The following NTNG1 variants were observed in gnomAD, a reference collection of about 807,000 sequenced individuals.
NTNG1 encodes netrin G1.
In NTNG1, 16 loss-of-function variants were observed where a neutral mutation model predicts 54.0. The ratio of observed to expected loss-of-function variants is 0.30; its 90% confidence interval spans 0.20 to 0.45. NTNG1 has a LOEUF of 0.45. Among genes scored for constraint, NTNG1 ranks in the 20% least tolerant of loss-of-function variants. The pLI is 1.00. For synonymous variants in NTNG1, 255 were observed against 263.1 expected (o/e 0.97, Z 0.30); for missense variants, 530 against 678.7 (o/e 0.78, Z 2.43).
At position 107,480,942 on chromosome 1, in the gene NTNG1, C is replaced by G; in HGVS notation, c.*102C>G. 1.2e-6 allele frequency: 1 copy of G among 837,450 alleles called. No homozygotes were observed. The highest frequency in any genetic ancestry group is 1.6e-5 in the South Asian group (1 of 61,330). 51.9% of individuals were successfully genotyped at this position (837,450 alleles called of 1,614,324 possible). On this transcript the variant is annotated 3_prime_UTR_variant, in exon 8 of 8. Transcript: ENST00000370068. ...GGAAACACACACATACAGACACCCC[C>G]ACTCAGACAGTGTACAAACTAAGAA...
chr1:107,457,880 G>A lies in NTNG1; in HGVS notation c.1390+21081G>A, dbSNP rs539473431. Among the ~76,000 whole-genome samples, 102 of 152,096 alleles carry A rather than the reference G, an allele frequency of 6.7e-4. 1 individual carries two copies. The highest frequency in any genetic ancestry group is 2.4e-3 in the African/African-American group (98 of 41,508). On this transcript the variant is annotated intron_variant, in intron 7 of 7. Transcript: ENST00000370068. The stretch of plus-strand genomic sequence containing the variant: ...CTTTTTGTGTTATGAGTACTGTAAG[G>A]AAATTTTTCTGAAGACATTTTTAAT...
At chr1:107,420,554 C>G (rs1422688224) in intron 5 of NTNG1, among the ~76,000 whole-genome samples, 1 of 152,000 alleles carries the variant, frequency 6.6e-6, no homozygotes, top group African/African-American at 2.4e-5. Context: ...GAGAAGGCTA[C>G]AACTTTTAAA....
chr1:107,284,001 A>G (rs907146290), intron 2 of NTNG1, among the ~76,000 whole-genome samples: 1 of 152,156 alleles, frequency 6.6e-6, no homozygotes, highest in Non-Finnish European at 1.5e-5. Context: ...ATCTTACTTG[A>G]TAATCTCAGG....
chr1:107,360,835 T>C (rs1670216426), intron 3 of NTNG1, among the ~76,000 whole-genome samples: 1 of 152,152 alleles, frequency 6.6e-6, no homozygotes, highest in Non-Finnish European at 1.5e-5. Flanking sequence ...TAACATCTAG[T>C]CACCAGTCAC....
rs1450201721 is a variant in NTNG1 at position 107,481,398 on chromosome 1, A to T, written c.*558A>T. The T allele has an allele frequency of 6.5e-6, 1 of 153,396 alleles. No homozygotes were observed. The highest frequency in any genetic ancestry group is 2.4e-5 in the African/African-American group (1 of 41,452). 9.5% of individuals were successfully genotyped at this position (153,396 alleles called of 1,614,324 possible). A position where few individuals can be genotyped will look rare whatever the true frequency, so the allele number is the denominator to read the frequency against. On this transcript the variant is annotated 3_prime_UTR_variant, in exon 8 of 8. Transcript: ENST00000370068. Reference sequence around the variant, plus strand: ...AAGATTTCTTTGTCTGATGTTAGTGATGCACATGTGTAACAGCCCCCTCTA... The same window carrying T: ...AAGATTTCTTTGTCTGATGTTAGTGTTGCACATGTGTAACAGCCCCCTCTA...
intron 7 of NTNG1, among the ~76,000 whole-genome samples, chr1:107,438,793 T>TA (rs1421205965): frequency 6.6e-6 from 1 of 152,166 alleles, no homozygotes; most frequent in Non-Finnish European, 1.5e-5. Flanking sequence ...TGGAGTATTA[T>TA]AAAAAATATG....
intron 4 of NTNG1, among the ~76,000 whole-genome samples, chr1:107,398,370 A>G (rs1353975544): frequency 1.3e-5 from 2 of 152,150 alleles, no homozygotes; most frequent in Non-Finnish European, 2.9e-5. Context: ...TAAGTCAGGG[A>G]ATGACAATAT....
chr1:107,477,417 C>A (rs1164285007), intron 7 of NTNG1, among the ~76,000 whole-genome samples: 1 of 152,246 alleles, frequency 6.6e-6, no homozygotes, highest in African/African-American at 2.4e-5. Flanking sequence ...CCTACTTTCT[C>A]TGCTCCCTCT....
Position 107,254,824 on chromosome 1 carries a change from C to T in NTNG1, c.247-69458C>T, listed in dbSNP as rs56214035. Among the ~76,000 whole-genome samples, 1,055 of 152,214 alleles carry T rather than the reference C, an allele frequency of 6.9e-3. 5 individuals carry two copies. The highest frequency in any genetic ancestry group is 0.013 in the Non-Finnish European group (876 of 68,012). On this transcript the variant is annotated intron_variant, in intron 2 of 7. Transcript: ENST00000370068. ...TGCTTGCCCATGATTGTGTATTATACCTATCTGTGACTTTGAATGCTTATG... is the reference window on the plus strand; with the variant it reads ...TGCTTGCCCATGATTGTGTATTATATCTATCTGTGACTTTGAATGCTTATG...
chr1:107,165,628 A>G (rs1655736920), intron 2 of NTNG1, among the ~76,000 whole-genome samples: 1 of 152,182 alleles, frequency 6.6e-6, no homozygotes, highest in South Asian at 2.1e-4. Context: ...AATTAAGTAT[A>G]GTGCCTGATA....
chr1:107,479,516 G>C (rs1490271702), intron 7 of NTNG1, among the ~76,000 whole-genome samples: 1 of 152,166 alleles, frequency 6.6e-6, no homozygotes, highest in African/African-American at 2.4e-5. Flanking sequence ...TTTATAAAAA[G>C]CTACTTTTTC....
chr1:107,425,183 G>A (rs1674815206), intron 5 of NTNG1, among the ~76,000 whole-genome samples: 1 of 136,276 alleles, frequency 7.3e-6, no homozygotes, highest in African/African-American at 2.6e-5. Context: ...ATGAAAAGTT[G>A]AATTAAAAAA....
chr1:107,430,206 G>A (rs556249978), intron 5 of NTNG1, among the ~76,000 whole-genome samples: 38 of 152,194 alleles, frequency 2.5e-4, no homozygotes, highest in Non-Finnish European at 8.8e-5. Flanking sequence ...ATAAAGAATT[G>A]TTTAGTTGTC....
At chr1:107,393,227 T>C (rs1672473108) in intron 3 of NTNG1, among the ~76,000 whole-genome samples, 1 of 152,172 alleles carries the variant, frequency 6.6e-6, no homozygotes, top group African/African-American at 2.4e-5. Flanking sequence ...TGGGATCACA[T>C]TGTTCAATTT....
intron 2 of NTNG1, among the ~76,000 whole-genome samples, chr1:107,238,054 C>T (rs145426354): frequency 2.6e-4 from 40 of 152,242 alleles, no homozygotes; most frequent in Non-Finnish European, 4.6e-4. Flanking sequence ...AAGCTGCAGA[C>T]GCTCAACACC....
chr1:107,413,770 T>C (rs1346295602), intron 5 of NTNG1, among the ~76,000 whole-genome samples: 1 of 152,184 alleles, frequency 6.6e-6, no homozygotes, highest in African/African-American at 2.4e-5. Flanking sequence ...CTTAAATGAA[T>C]TCCCTAAAGC....
intron 2 of NTNG1, among the ~76,000 whole-genome samples, chr1:107,310,954 T>C (rs1472256323): frequency 6.6e-6 from 1 of 151,948 alleles, no homozygotes; most frequent in Non-Finnish European, 1.5e-5. Flanking sequence ...CTCTGAGGGG[T>C]AAGTTTCATT....
chr1:107,286,461 T>C (rs573079658), intron 2 of NTNG1, among the ~76,000 whole-genome samples: 1 of 152,232 alleles, frequency 6.6e-6, no homozygotes, highest in East Asian at 1.9e-4. Context: ...GCTGACAGGA[T>C]CTTGTAGAGA....
chr1:107,377,745 A>G (rs1387313759), intron 3 of NTNG1, among the ~76,000 whole-genome samples: 2 of 152,236 alleles, frequency 1.3e-5, no homozygotes, highest in African/African-American at 4.8e-5. Flanking sequence ...TTCAGGAATA[A>G]GGCAGCATAC....
Sources: allele counts gnomAD v4.1 joint callset (sites outside exome capture counted in the v4.1 genomes callset), GRCh38; gene constraint gnomAD v4.1.1; transcripts MANE v1.5; gene names NCBI Gene and HGNC (gene_info 2026-07-23, HGNC 2026-07-21).